Variants in PTPN9 observed in about 807,000 individuals in gnomAD.
The protein encoded by PTPN9 is protein tyrosine phosphatase non-receptor type 9, also known as tyrosine-protein phosphatase non-receptor type 9.
Under a neutral mutation model 69.8 loss-of-function variants are expected in PTPN9, and 26 were observed. The observed-to-expected ratio is 0.37, with a 90% CI of 0.27 to 0.52. PTPN9 has a LOEUF of 0.52. Among genes scored for constraint, PTPN9 ranks in the 20% least tolerant of loss-of-function variants. PTPN9 has a pLI of 0.91. For missense variants in PTPN9, 549 were observed against 740.3 expected (o/e 0.74, Z 3.00); for synonymous variants, 274 against 272.5 (o/e 1.01, Z -0.05).
chr15:75,507,555 CAGA>C (rs2074826122), intron 6 of PTPN9, among the ~76,000 whole-genome samples: 1 of 151,784 alleles, frequency 6.6e-6, no homozygotes, highest in South Asian at 2.1e-4. Flanking sequence ...ATCACGAGGT[CAGA>C]AGATCAAGAC....
At chr15:75,565,295 A>G (rs1567527646) in intron 1 of PTPN9, among the ~76,000 whole-genome samples, 1 of 152,122 alleles carries the variant, frequency 6.6e-6, no homozygotes, top group Non-Finnish European at 1.5e-5. Flanking sequence ...CAATTGCTGA[A>G]ATCAGTATTT....
intron 1 of PTPN9, among the ~76,000 whole-genome samples, chr15:75,546,451 G>A (rs972866941): frequency 6.6e-6 from 1 of 152,030 alleles, no homozygotes; most frequent in Non-Finnish European, 1.5e-5. Flanking sequence ...AGACCAGCCT[G>A]GCTAACATGG....
chr15:75,568,288 T>C (rs1242925489), intron 1 of PTPN9, among the ~76,000 whole-genome samples: 1 of 148,230 alleles, frequency 6.7e-6, no homozygotes, highest in African/African-American at 2.5e-5. Context: ...AGCCTAGGAG[T>C]TTAAGACCAG....
intron 1 of PTPN9, among the ~76,000 whole-genome samples, chr15:75,569,699 A>C (rs939212098): frequency 1.5e-4 from 23 of 151,892 alleles, no homozygotes; most frequent in African/African-American, 5.6e-4. Flanking sequence ...AAAAAAAAAA[A>C]AAACAGTTCA....
intron 1 of PTPN9, among the ~76,000 whole-genome samples, chr15:75,561,614 T>C (rs1489178496): frequency 3.9e-5 from 6 of 152,092 alleles, no homozygotes; most frequent in Admixed American, 2.6e-4. Context: ...CCATGGTTCA[T>C]TGCAACCTTA....
chr15:75,576,528 G>A (rs929475677), intron 1 of PTPN9, among the ~76,000 whole-genome samples: 1 of 151,170 alleles, frequency 6.6e-6, no homozygotes, highest in African/African-American at 2.4e-5. Context: ...CCCAAACTCC[G>A]GCCAGGCGCA....
At chr15:75,528,363 A>T (rs2074940208) in intron 1 of PTPN9, among the ~76,000 whole-genome samples, 1 of 151,738 alleles carries the variant, frequency 6.6e-6, no homozygotes, top group Admixed American at 6.6e-5. Context: ...TCTTCATTTT[A>T]GAATGATTTA....
intron 1 of PTPN9, 139 bp from the exon 2 acceptor site, chr15:75,527,400 CA>C (rs2074934223): frequency 1.1e-6 from 1 of 889,066 alleles, no homozygotes; most frequent in Non-Finnish European, 1.7e-6. Context: ...GAAAGACAAA[CA>C]AAAAGGTAGA....
intron 1 of PTPN9, among the ~76,000 whole-genome samples, chr15:75,556,022 C>T (rs201779654): frequency 7.7e-6 from 1 of 129,524 alleles, no homozygotes; most frequent in Non-Finnish European, 1.6e-5. Flanking sequence ...ACAAACAAAG[C>T]GAGACCCCCG....
At chr15:75,472,181 C>A (rs1486639525) in intron 10 of PTPN9, among the ~76,000 whole-genome samples, 1 of 152,196 alleles carries the variant, frequency 6.6e-6, no homozygotes, top group Admixed American at 6.5e-5. Flanking sequence ...ATCTTCCGGC[C>A]AGGCGCGGTG....
chr15:75,494,090 A>G (rs1048901777), intron 7 of PTPN9, among the ~76,000 whole-genome samples: 1 of 149,776 alleles, frequency 6.7e-6, no homozygotes, highest in Non-Finnish European at 1.5e-5. Flanking sequence ...CAATACCGAA[A>G]TATTTACTAT....
At chr15:75,526,044 G>A (rs2074926087) in intron 2 of PTPN9, among the ~76,000 whole-genome samples, 1 of 151,052 alleles carries the variant, frequency 6.6e-6, no homozygotes, top group Non-Finnish European at 1.5e-5. Flanking sequence ...TGCCCAGACT[G>A]GAATGCAATG....
chr15:75,525,691 G>A (rs942266748), intron 2 of PTPN9, among the ~76,000 whole-genome samples: 37 of 151,650 alleles, frequency 2.4e-4, no homozygotes, highest in Non-Finnish European at 1.2e-4. Flanking sequence ...GCCGAGGTGC[G>A]TGGATCACTT....
intron 1 of PTPN9, among the ~76,000 whole-genome samples, chr15:75,548,939 C>T (rs1036369898): frequency 6.6e-6 from 1 of 152,056 alleles, no homozygotes; most frequent in Non-Finnish European, 1.5e-5. Flanking sequence ...AGGCATGAGC[C>T]ACCACACCCA....
intron 5 of PTPN9, among the ~76,000 whole-genome samples, chr15:75,514,551 C>T (rs931110272): frequency 6.6e-6 from 1 of 152,176 alleles, no homozygotes; most frequent in African/African-American, 2.4e-5. Flanking sequence ...TGCACTCAGC[C>T]TTGGCAACAG....
At chr15:75,517,843 A>G (rs1400394874) in intron 4 of PTPN9, among the ~76,000 whole-genome samples, 1 of 152,206 alleles carries the variant, frequency 6.6e-6, no homozygotes, top group African/African-American at 2.4e-5. Context: ...CTAAAGGACA[A>G]GAACTTGTTG....
chr15:75,554,064 G>A (rs571655282), intron 1 of PTPN9, among the ~76,000 whole-genome samples: 18 of 141,520 alleles, frequency 1.3e-4, no homozygotes, highest in African/African-American at 4.0e-4. Flanking sequence ...CACCCAGGCT[G>A]GAGTATTGCA....
At chr15:75,571,623 G>C (rs1478189864) in intron 1 of PTPN9, among the ~76,000 whole-genome samples, 2 of 152,020 alleles carry the variant, frequency 1.3e-5, no homozygotes, top group Non-Finnish European at 2.9e-5. Flanking sequence ...AAATAAATTG[G>C]TGGTGGCTCA....
chr15:75,486,909 C>G (rs185041778), intron 8 of PTPN9, among the ~76,000 whole-genome samples: 3 of 151,566 alleles, frequency 2.0e-5, no homozygotes, highest in African/African-American at 4.9e-5. Flanking sequence ...CTCGGCCTCC[C>G]GAGTAGCTGG....
Sources: allele counts gnomAD v4.1 joint callset (sites outside exome capture counted in the v4.1 genomes callset), GRCh38; gene constraint gnomAD v4.1.1; transcripts MANE v1.5; gene names NCBI Gene and HGNC (gene_info 2026-07-23, HGNC 2026-07-21).